ASAH1: variants seen among roughly 807,000 people sequenced by gnomAD.
The protein encoded by ASAH1 is acid ceramidase.
In ASAH1, 70 loss-of-function variants were observed where a neutral mutation model predicts 59.5. The ratio of observed to expected loss-of-function variants is 1.18; its 90% CI spans 0.97 to 1.43. The LOEUF (loss-of-function observed/expected upper bound fraction) is 1.43. ASAH1 is among the 40% of genes most tolerant of loss of function. The probability of loss-of-function intolerance (pLI) is 0.00; values close to 1 mark genes in which losing one functional copy is unlikely to be tolerated. For synonymous variants in ASAH1, 213 were observed against 166.5 expected, an observed-to-expected ratio of 1.28 and a Z score of -2.15; for missense variants, 660 against 482.5, an observed-to-expected ratio of 1.37 and a Z score of -3.45.
chr8:18,083,736 G>A (rs897551457), intron 1 of ASAH1, among the ~76,000 whole-genome samples: 4 of 152,238 alleles, frequency 2.6e-5, no homozygotes, highest in Admixed American at 1.3e-4. Context: ...ATCACACCCA[G>A]GTATCCTGCA....
At chr8:18,064,154 T>G in intron 6 of ASAH1, 2 of 529,906 alleles carry the variant, frequency 3.8e-6, no homozygotes, top group Non-Finnish European at 6.6e-6. Context: ...CTGCGAGCAC[T>G]TCCATCAAAG....
At chr8:18,075,699 T>C (rs1042808634) in intron 1 of ASAH1, 112 bp from the exon 2 acceptor site, 52 of 950,084 alleles carry the variant, frequency 5.5e-5, no homozygotes, top group Non-Finnish European at 7.8e-5. Context: ...ATATTGCTCT[T>C]TTATACGTTT....
intron 9 of ASAH1, 71 bp downstream of exon 9, chr8:18,061,615 G>C: frequency 2.6e-6 from 4 of 1,529,254 alleles, no homozygotes; most frequent in Non-Finnish European, 3.6e-6. Flanking sequence ...TTTGTAACCA[G>C]AAGGCACAGT....
rs781718237 is a variant in ASAH1 at position 18,069,853 on chromosome 8, T to G, written c.242A>C (p.Lys81Thr). 1.9e-6 allele frequency: 3 copies of G among 1,589,968 alleles called. No individual in the cohort carries two copies. The highest frequency in any genetic ancestry group is 2.6e-6 in the Non-Finnish European group (3 of 1,160,644). Reference protein sequence around the residue: ...PVLKVIVNSLKNMINTFVPSG... With the variant: ...PVLKVIVNSLTNMINTFVPSG... ...TGGCACGAATGTATTTATCATATTCTTCAGAGAATTCACTATAACCTTTAG... is the reference window on the plus strand; with the variant it reads ...TGGCACGAATGTATTTATCATATTCGTCAGAGAATTCACTATAACCTTTAG... Residue 81 changes from lysine (K) to threonine (T), a missense_variant, in exon 4 of 14, where the codon AAG (lysine) becomes ACG (threonine). Transcript: ENST00000637790.
intron 3 of ASAH1, among the ~76,000 whole-genome samples, chr8:18,070,306 T>C (rs920854075): frequency 2.0e-5 from 3 of 152,210 alleles, no homozygotes; most frequent in Admixed American, 1.3e-4. Flanking sequence ...TGCACCACCA[T>C]GCCTGGCTAA....
intron 6 of ASAH1, 23 bp downstream of exon 6, chr8:18,064,434 A>C: frequency 1.4e-4 from 162 of 1,196,098 alleles, no homozygotes; most frequent in Non-Finnish European, 1.9e-4. Flanking sequence ...CATGCTGCCC[A>C]CCCTCCCTCA....
chr8:18,082,455 G>C (rs1022808697), intron 1 of ASAH1: 1 of 152,068 alleles, frequency 6.6e-6, no homozygotes, highest in African/African-American at 2.4e-5. Flanking sequence ...AGATTATTCT[G>C]AGACATGACA....
chr8:18,067,144 T>TATCTAAGACATACAGCAACTGTGCTGTAA, intron 5 of ASAH1, 76 bp downstream of exon 5: 1 of 1,223,786 alleles, frequency 8.2e-7, no homozygotes, highest in Non-Finnish European at 1.2e-6. Flanking sequence ...CTGTGCTGTA[T>TATCTAAGACATACAGCAACTGTGCTGTAA]GTATATCACA....
intron 5 of ASAH1, 173 bp downstream of exon 5, chr8:18,067,047 T>C: frequency 6.6e-6 from 2 of 303,778 alleles, no homozygotes; most frequent in Non-Finnish European, 1.3e-5. Flanking sequence ...GAGTCATGGC[T>C]ACATGCATGC....
chr8:18,083,642 G>A (rs1445886283), intron 1 of ASAH1, among the ~76,000 whole-genome samples: 2 of 152,218 alleles, frequency 1.3e-5, no homozygotes, highest in African/African-American at 2.4e-5. Flanking sequence ...CAGGTCCACC[G>A]GAACATTTTA....
chr8:18,071,244 G>A (rs1564546737), intron 3 of ASAH1, 56 bp downstream of exon 3: 4 of 841,232 alleles, frequency 4.8e-6, no homozygotes, highest in East Asian at 3.5e-5. Flanking sequence ...TAAAAATAAA[G>A]AAATAAAATA....
chr8:18,084,912 C>G (rs1029545273), upstream of ASAH1: 1 of 1,468,220 alleles, frequency 6.8e-7, no homozygotes, highest in Non-Finnish European at 9.2e-7. Context: ...GCTTGGCTTT[C>G]GTGCCATCCG....
At chr8:18,080,345 G>A (rs767290045) in intron 1 of ASAH1, among the ~76,000 whole-genome samples, 4 of 152,166 alleles carry the variant, frequency 2.6e-5, no homozygotes, top group South Asian at 4.2e-4. Flanking sequence ...GATTTATTAC[G>A]CAGAGCAGCC....
intron 6 of ASAH1, 22 bp from the exon 7 acceptor site, chr8:18,063,252 A>T (rs774338308): frequency 6.2e-7 from 1 of 1,600,200 alleles, no homozygotes; most frequent in South Asian, 1.1e-5. Flanking sequence ...TAGACAGAAG[A>T]GACGTGTAAT....
At chr8:18,059,076 C>G (rs1799581970) in intron 12 of ASAH1, 185 bp from the exon 13 acceptor site, 1 of 610,208 alleles carries the variant, frequency 1.6e-6, no homozygotes, top group Admixed American at 4.0e-5. Context: ...TTACTTTCCT[C>G]TCTCTCCTTC....
chr8:18,065,959 G>C (rs1415834793), intron 5 of ASAH1: 3 of 151,282 alleles, frequency 2.0e-5, no homozygotes, highest in Admixed American at 2.0e-4. Flanking sequence ...ACTGCAATTT[G>C]CTGAGGAAAG....
chr8:18,058,130 C>T (rs897708023), intron 13 of ASAH1: 9 of 153,336 alleles, frequency 5.9e-5, no homozygotes, highest in Non-Finnish European at 1.2e-4. Flanking sequence ...ACACAAGTCA[C>T]GAGATTGTGA....
Position 18,059,837 on chromosome 8 carries a change from C to T in ASAH1, c.786-134G>A, listed in dbSNP as rs10448130. 0.36 allele frequency: 300,205 copies of T among 844,876 alleles called. 56,397 individuals are homozygous for T. The highest frequency in any genetic ancestry group is 0.5 in the South Asian group (28,055 of 56,452). The allele number at this position is 844,876 out of a possible 1,614,324, so 52.3% of individuals were successfully genotyped here. A position where few individuals can be genotyped will look rare whatever the true frequency, so the allele number is the denominator to read the frequency against. On this transcript the variant is annotated intron_variant, in intron 10 of 13. Coordinates refer to ENST00000637790, the MANE Select transcript of ASAH1 (RefSeq NM_177924.5). Reference sequence around the variant, plus strand: ...TGCAGGTTTGTTACATAGGTACACACGTGCCATGGTGGTTTGCTGCACCCA... The same window carrying T: ...TGCAGGTTTGTTACATAGGTACACATGTGCCATGGTGGTTTGCTGCACCCA...
intron 10 of ASAH1, 99 bp from the exon 11 acceptor site, chr8:18,059,802 G>T (rs990064888): frequency 7.1e-5 from 86 of 1,219,118 alleles, no homozygotes; most frequent in Non-Finnish European, 9.5e-5. Flanking sequence ...TGGGACACAT[G>T]TGCTGAACGT....
Sources: gnomAD v4.1 joint callset for allele counts (sites outside exome capture counted in the v4.1 genomes callset) on GRCh38, gnomAD v4.1.1 for gene constraint, MANE v1.5 for transcripts, NCBI Gene and HGNC (gene_info 2026-07-23, HGNC 2026-07-21) for gene names.